The following PRKG1 variants were observed in gnomAD, a reference collection of about 807,000 sequenced individuals.
PRKG1 encodes the protein cGMP-dependent protein kinase 1.
Under a neutral mutation model 88.1 loss-of-function variants are expected in PRKG1, and 35 were observed. The ratio of observed to expected loss-of-function variants is 0.40; its 90% CI spans 0.30 to 0.53. PRKG1 has a LOEUF of 0.53. Among genes scored for constraint, PRKG1 ranks in the 20% least tolerant of loss-of-function variants. PRKG1 has a pLI of 0.59. For synonymous variants in PRKG1, 303 were observed against 292.5 expected (o/e 1.04, Z -0.37); for missense variants, 540 against 839.8 (o/e 0.64, Z 4.41).
At chr10:51,349,449 ATTGT>A (rs1317199398) in intron 2 of PRKG1, among the ~76,000 whole-genome samples, 1 of 106,362 alleles carries the variant, frequency 9.4e-6, no homozygotes, top group Non-Finnish European at 1.9e-5. Flanking sequence ...TTGAGTTCAT[ATTGT>A]TTGTGTGTGT....
intron 1 of PRKG1, among the ~76,000 whole-genome samples, chr10:51,116,413 G>A (rs1845124584): frequency 6.6e-6 from 1 of 152,132 alleles, no homozygotes; most frequent in Non-Finnish European, 1.5e-5. Context: ...GGCTTATTGG[G>A]CTTCTGTATG....
At chr10:51,946,954 T>C (rs1307900496) in intron 5 of PRKG1, among the ~76,000 whole-genome samples, 1 of 152,104 alleles carries the variant, frequency 6.6e-6, no homozygotes, top group Admixed American at 6.5e-5. Flanking sequence ...TTCTCAGATC[T>C]CCAGCTGCAT....
chr10:51,376,930 G>A (rs1299894898), intron 2 of PRKG1, among the ~76,000 whole-genome samples: 1 of 152,050 alleles, frequency 6.6e-6, no homozygotes, highest in Non-Finnish European at 1.5e-5. Flanking sequence ...GTCTGCCTGG[G>A]ACTCCCAAAC....
At chr10:51,931,679 G>C (rs1219885036) in intron 5 of PRKG1, among the ~76,000 whole-genome samples, 1 of 152,098 alleles carries the variant, frequency 6.6e-6, no homozygotes, top group Non-Finnish European at 1.5e-5. Flanking sequence ...AGTTGTACTA[G>C]GGCAAGTATA....
chr10:51,982,493 TA>T (rs1198926696), intron 5 of PRKG1, among the ~76,000 whole-genome samples: 1 of 152,216 alleles, frequency 6.6e-6, no homozygotes, highest in East Asian at 1.9e-4. Context: ...TATTTTCTTT[TA>T]TCCTATTTGA....
chr10:51,287,697 T>G (rs2132216148), intron 2 of PRKG1, among the ~76,000 whole-genome samples: 1 of 152,168 alleles, frequency 6.6e-6, no homozygotes, highest in East Asian at 1.9e-4. Flanking sequence ...AAGACAAGAT[T>G]TAAATGGGGA....
intron 1 of PRKG1, among the ~76,000 whole-genome samples, chr10:51,012,367 G>A (rs1250219715): frequency 6.6e-6 from 1 of 152,194 alleles, no homozygotes; most frequent in Non-Finnish European, 1.5e-5. Context: ...TAAGGTTGGA[G>A]ATAATTCTAA....
intron 3 of PRKG1, among the ~76,000 whole-genome samples, chr10:51,644,361 A>G (rs568256038): frequency 3.9e-5 from 6 of 152,148 alleles, no homozygotes; most frequent in Middle Eastern, 3.4e-3. Context: ...CTTTTTTGTG[A>G]TGCAGTTCAC....
At chr10:52,146,057 C>T (rs2132658418) in intron 8 of PRKG1, among the ~76,000 whole-genome samples, 1 of 152,302 alleles carries the variant, frequency 6.6e-6, no homozygotes. Context: ...AGGGTGTTGT[C>T]CTCCTAGCTG....
At chr10:52,149,157 C>A (rs1203429643) in intron 8 of PRKG1, among the ~76,000 whole-genome samples, 4 of 151,658 alleles carry the variant, frequency 2.6e-5, no homozygotes, top group African/African-American at 9.7e-5. Context: ...ACATGGGGTA[C>A]TTCCTATGGC....
At chr10:52,244,859 T>C (rs920349777) in intron 9 of PRKG1, among the ~76,000 whole-genome samples, 3 of 121,064 alleles carry the variant, frequency 2.5e-5, no homozygotes, top group African/African-American at 3.8e-5. Context: ...TATTTTTATA[T>C]ATTTAAATAT....
chr10:51,680,268 C>T (rs940540509), intron 3 of PRKG1, among the ~76,000 whole-genome samples: 7 of 151,624 alleles, frequency 4.6e-5, no homozygotes, highest in Non-Finnish European at 1.0e-4. Flanking sequence ...GCACATGTAC[C>T]CTAAAACTTA....
intron 4 of PRKG1, among the ~76,000 whole-genome samples, chr10:51,873,528 CT>C (rs10713819): frequency 0.24 from 30,835 of 131,122 alleles, 2,394 homozygotes; most frequent in African/African-American, 0.26. Context: ...AATAAATAAT[CT>C]TTTTTTTTTT....
At chr10:51,177,871 AAT>A (rs745732542) in intron 2 of PRKG1, among the ~76,000 whole-genome samples, 4 of 152,004 alleles carry the variant, frequency 2.6e-5, no homozygotes, top group African/African-American at 7.2e-5. Flanking sequence ...ATTAATTCCT[AAT>A]ATATATGTTA....
At chr10:51,772,132 A>G (rs961825603) in intron 3 of PRKG1, among the ~76,000 whole-genome samples, 1 of 152,192 alleles carries the variant, frequency 6.6e-6, no homozygotes, top group Non-Finnish European at 1.5e-5. Context: ...CAAGTTTTAG[A>G]GAAGAAATGA....
chr10:51,219,870 GA>G (rs1838482172), intron 2 of PRKG1, among the ~76,000 whole-genome samples: 1 of 152,122 alleles, frequency 6.6e-6, no homozygotes, highest in Non-Finnish European at 1.5e-5. Flanking sequence ...GTGATAGGCA[GA>G]ATTTCTAGGA....
At chr10:51,738,041 T>C (rs1201137527) in intron 3 of PRKG1, among the ~76,000 whole-genome samples, 1 of 152,058 alleles carries the variant, frequency 6.6e-6, no homozygotes, top group African/African-American at 2.4e-5. Context: ...GTGCTGGGAT[T>C]ACAGGCATGA....
intron 2 of PRKG1, among the ~76,000 whole-genome samples, chr10:51,298,036 T>C (rs1840768167): frequency 6.6e-6 from 1 of 152,152 alleles, no homozygotes; most frequent in South Asian, 2.1e-4. Flanking sequence ...CTAACCATTA[T>C]TCCTTCATCA....
At chr10:51,806,524 G>A (rs1388664192) in intron 4 of PRKG1, among the ~76,000 whole-genome samples, 2 of 152,086 alleles carry the variant, frequency 1.3e-5, no homozygotes, top group Non-Finnish European at 2.9e-5. Context: ...AAAAAGAGGT[G>A]GTTGCTGACT....
Sources: gnomAD v4.1 joint callset for allele counts (sites outside exome capture counted in the v4.1 genomes callset) on GRCh38, gnomAD v4.1.1 for gene constraint, MANE v1.5 for transcripts, NCBI Gene and HGNC (gene_info 2026-07-23, HGNC 2026-07-21) for gene names.